The following CDC25A variants were observed in gnomAD, a reference collection of about 807,000 sequenced individuals.
The protein encoded by CDC25A is cell division cycle 25A.
CDC25A carries 17 observed loss-of-function variants against 64.6 expected under a neutral mutation model. The observed-to-expected ratio is 0.26, with a 90% confidence interval of 0.18 to 0.39. CDC25A has a LOEUF of 0.39. Ranked by LOEUF, CDC25A falls within the 10% of genes least tolerant of loss-of-function variation. The pLI is 1.00. For synonymous variants in CDC25A, 229 were observed against 238.6 expected (o/e 0.96, Z 0.37); for missense variants, 473 against 654.8 (o/e 0.72, Z 3.03).
rs3731494 is a variant in CDC25A at position 48,186,722 on chromosome 3, G to A, written c.228C>T (p.Ser76=). The A allele has an allele frequency of 0.016, 26,006 of 1,599,786 alleles. 276 individuals carry two copies. Among genetic ancestry groups the A allele is most frequent in the Middle Eastern group, 0.039 (236 of 6,044 alleles). ...KNNSNLQRMG[S]SESTDSGFCL... ...AAATACCTGAATCTGTTGACTCGGA[G>A]GAGCCCATTCTCTGCAGATTACTGT... The change falls in exon 2 of 15, where the codon TCC becomes TCT. Residue 76 remains serine, a synonymous_variant. Transcript: ENST00000302506.
intron 9 of CDC25A, among the ~76,000 whole-genome samples, chr3:48,172,734 C>T (rs999457827): frequency 6.6e-6 from 1 of 152,142 alleles, no homozygotes; most frequent in African/African-American, 2.4e-5. Context: ...TTTGGTGGCA[C>T]ACACCTATAG....
chr3:48,176,654 A>AAAAC (rs1432619134), intron 8 of CDC25A, among the ~76,000 whole-genome samples: 1 of 151,158 alleles, frequency 6.6e-6, no homozygotes, highest in Admixed American at 6.7e-5. Context: ...AAAACAAAAC[A>AAAAC]AAACAAACAA....
intron 12 of CDC25A, among the ~76,000 whole-genome samples, chr3:48,165,107 C>CAAAA (rs11370901): frequency 2.4e-5 from 2 of 84,958 alleles, no homozygotes; most frequent in African/African-American, 9.0e-5. Context: ...GACTCTGTCT[C>CAAAA]AAAAAAAAAA....
At chr3:48,182,816 C>T (rs776203871) in intron 5 of CDC25A, 113 bp downstream of exon 5, 1 of 692,390 alleles carries the variant, frequency 1.4e-6, no homozygotes, top group Non-Finnish European at 2.6e-6. Flanking sequence ...CTCCAAAGAC[C>T]GCACATAATG....
At chr3:48,176,149 G>C (rs1295264355) in intron 8 of CDC25A, among the ~76,000 whole-genome samples, 1 of 152,076 alleles carries the variant, frequency 6.6e-6, no homozygotes, top group Non-Finnish European at 1.5e-5. Flanking sequence ...CCCCAGCCTG[G>C]GCAACAGAGG....
At chr3:48,168,253 A>G (rs2032118245) in intron 9 of CDC25A, among the ~76,000 whole-genome samples, 2 of 151,280 alleles carry the variant, frequency 1.3e-5, no homozygotes, top group South Asian at 2.1e-4. Flanking sequence ...TTGGGAGGCC[A>G]AGGTGGGTTA....
At chr3:48,186,862 G>C (rs2032863409) in intron 1 of CDC25A, 83 bp from the exon 2 acceptor site, 1 of 935,712 alleles carries the variant, frequency 1.1e-6, no homozygotes, top group East Asian at 2.7e-5. Flanking sequence ...ATGAGATTAA[G>C]AAGCAGCCAG....
At chr3:48,185,638 A>T (rs2032819466) in intron 2 of CDC25A, among the ~76,000 whole-genome samples, 1 of 152,150 alleles carries the variant, frequency 6.6e-6, no homozygotes, top group South Asian at 2.1e-4. Context: ...AATGAAAAAG[A>T]AAAATACAAC....
At chr3:48,182,883 T>C (rs745915501) in intron 5 of CDC25A, 46 bp downstream of exon 5, 3 of 1,260,994 alleles carry the variant, frequency 2.4e-6, no homozygotes, top group South Asian at 1.2e-5. Flanking sequence ...TGACAGCCTG[T>C]GGGTTTCACC....
At chr3:48,168,937 C>T (rs1194323529) in intron 9 of CDC25A, among the ~76,000 whole-genome samples, 1 of 152,082 alleles carries the variant, frequency 6.6e-6, no homozygotes, top group African/African-American at 2.4e-5. Flanking sequence ...CAGGTGTGAG[C>T]CACCGCGCCC....
intron 9 of CDC25A, among the ~76,000 whole-genome samples, chr3:48,170,999 T>G (rs2032249307): frequency 6.6e-6 from 1 of 152,110 alleles, no homozygotes; most frequent in East Asian, 1.9e-4. Context: ...ACAAAATAAT[T>G]ATTAACAGTA....
At chr3:48,168,146 C>T (rs1172562375) in intron 9 of CDC25A, among the ~76,000 whole-genome samples, 2 of 148,170 alleles carry the variant, frequency 1.3e-5, no homozygotes, top group Non-Finnish European at 1.5e-5. Context: ...AGTGTCTAAC[C>T]GAATTGCTCT....
intron 7 of CDC25A, 49 bp downstream of exon 7, chr3:48,177,805 G>A (rs1476811382): frequency 3.1e-6 from 5 of 1,602,514 alleles, no homozygotes; most frequent in Non-Finnish European, 4.3e-6. Flanking sequence ...TTCTCCAGAG[G>A]TAATTAATTA....
intron 1 of CDC25A, 105 bp from the exon 2 acceptor site, chr3:48,186,884 C>A: frequency 1.3e-6 from 1 of 753,242 alleles, no homozygotes; most frequent in Non-Finnish European, 2.2e-6. Context: ...CTGCCAGAAA[C>A]CATTTCTAGG....
intron 10 of CDC25A, among the ~76,000 whole-genome samples, chr3:48,166,929 G>A (rs904885969): frequency 6.6e-6 from 1 of 152,202 alleles, no homozygotes; most frequent in Non-Finnish European, 1.5e-5. Context: ...TGCCAAACAA[G>A]AGAAGGTTCC....
intron 12 of CDC25A, among the ~76,000 whole-genome samples, chr3:48,165,045 G>C (rs996544404): frequency 2.0e-5 from 3 of 146,572 alleles, no homozygotes; most frequent in Non-Finnish European, 4.5e-5. Flanking sequence ...AGGAGGCAGA[G>C]GTTGTGGTGA....
chr3:48,168,769 C>T (rs1287859900), intron 9 of CDC25A, among the ~76,000 whole-genome samples: 1 of 151,936 alleles, frequency 6.6e-6, no homozygotes, highest in African/African-American at 2.4e-5. Context: ...GATTCTGCCG[C>T]AGCCTCCAGA....
At chr3:48,180,646 C>T in intron 6 of CDC25A, 75 bp downstream of exon 6, 1 of 1,536,520 alleles carries the variant, frequency 6.5e-7, no homozygotes, top group Non-Finnish European at 8.9e-7. Flanking sequence ...GTAGTGCCTT[C>T]AATTCTGGAT....
Position 48,177,746 on chromosome 3 carries a change from A to C in CDC25A, c.684+108T>G, listed in dbSNP as rs2032515842. On this transcript the variant is annotated intron_variant, in intron 7 of 14. Transcript: ENST00000302506. ...ACCAAATGAACAAAAATATCAGCTA[A>C]GCAAGCCCCGGGGAACTGCTGTTGC... 7.8e-6 allele frequency: 10 copies of C among 1,279,796 alleles called. No homozygotes were observed. In the Admixed American group the frequency reaches 1.4e-4, roughly 18 times the overall value. The allele number at this position is 1,279,796 out of a possible 1,614,324, so 79.3% of individuals were successfully genotyped here. A position where few individuals can be genotyped will look rare whatever the true frequency, so the allele number is the denominator to read the frequency against.
Sources: gnomAD v4.1 joint callset for allele counts (sites outside exome capture counted in the v4.1 genomes callset) on GRCh38, gnomAD v4.1.1 for gene constraint, MANE v1.5 for transcripts, NCBI Gene and HGNC (gene_info 2026-07-23, HGNC 2026-07-21) for gene names.